MRTFB: variants seen among roughly 807,000 people sequenced by gnomAD.
MRTFB encodes myocardin-related transcription factor B.
Under a neutral mutation model 104.2 loss-of-function variants are expected in MRTFB, and 29 were observed. The observed-to-expected ratio is 0.28, with a 90% CI of 0.21 to 0.38. The LOEUF (loss-of-function observed/expected upper bound fraction) is 0.38, where lower values mean the gene tolerates loss of function less well. Ranked by LOEUF, MRTFB falls within the 10% of genes least tolerant of loss-of-function variation. The probability of loss-of-function intolerance (pLI) is 1.00; values close to 1 mark genes in which losing one functional copy is unlikely to be tolerated. For missense variants in MRTFB, 1,270 were observed against 1,341.6 expected (o/e 0.95, Z 0.83); for synonymous variants, 535 against 519.5 (o/e 1.03, Z -0.41).
At chr16:14,205,613 T>C (rs1011846925) in intron 3 of MRTFB, among the ~76,000 whole-genome samples, 1 of 152,248 alleles carries the variant, frequency 6.6e-6, no homozygotes. Flanking sequence ...TTTTCAAAAA[T>C]AATATTCTTT....
intron 9 of MRTFB, among the ~76,000 whole-genome samples, chr16:14,235,726 C>T (rs2042469375): frequency 6.6e-6 from 1 of 152,158 alleles, no homozygotes; most frequent in Admixed American, 6.5e-5. Context: ...ATCTGAGGAA[C>T]ACTAGTTATT....
chr16:14,191,959 T>A (rs570202422), intron 3 of MRTFB: 3 of 152,348 alleles, frequency 2.0e-5, no homozygotes, highest in Admixed American at 2.0e-4. Context: ...TAGAAGGTAT[T>A]ACAAAGCACA....
intron 9 of MRTFB, among the ~76,000 whole-genome samples, chr16:14,239,184 G>A (rs1339776934): frequency 2.1e-5 from 3 of 144,348 alleles, no homozygotes; most frequent in African/African-American, 8.8e-5. Context: ...CATGTCAGAT[G>A]AAGAGAGAAA....
chr16:14,237,841 AATACTAT>A (rs1431082618), intron 9 of MRTFB, among the ~76,000 whole-genome samples: 1 of 152,134 alleles, frequency 6.6e-6, no homozygotes, highest in African/African-American at 2.4e-5. Context: ...ATGGGGGTGA[AATACTAT>A]AGGTTTGGAG....
intron 3 of MRTFB, among the ~76,000 whole-genome samples, chr16:14,172,779 A>G (rs2039464432): frequency 6.6e-6 from 1 of 152,138 alleles, no homozygotes. Flanking sequence ...TCTTTTCAAT[A>G]TGTTTAAGGA....
At chr16:14,217,021 A>G in intron 6 of MRTFB, 105 bp from the exon 7 acceptor site, 1 of 1,175,294 alleles carries the variant, frequency 8.5e-7, no homozygotes, top group Non-Finnish European at 1.2e-6. Flanking sequence ...CGAGAACACA[A>G]AAATGTGTCT....
chr16:14,179,748 G>A (rs950080219), intron 3 of MRTFB, among the ~76,000 whole-genome samples: 7 of 152,312 alleles, frequency 4.6e-5, no homozygotes, highest in Middle Eastern at 3.4e-3. Flanking sequence ...AGTAGTCTGG[G>A]GAGTGGTCAG....
At chr16:14,209,267 T>C (rs2151161377) in intron 3 of MRTFB, among the ~76,000 whole-genome samples, 1 of 152,342 alleles carries the variant, frequency 6.6e-6, no homozygotes, top group Non-Finnish European at 1.5e-5. Flanking sequence ...CTTCCCACCA[T>C]TTAAGTAAGA....
At chr16:14,064,620 C>T in the MRTFB span, among the ~76,000 whole-genome samples, 3 of 152,054 alleles carry the variant, frequency 2.0e-5, no homozygotes, top group Admixed American at 6.6e-5. Flanking sequence ...TTTAATCCAT[C>T]GAGTTGATTT....
chr16:14,218,067 T>C (rs756206385), intron 7 of MRTFB, among the ~76,000 whole-genome samples: 1 of 151,996 alleles, frequency 6.6e-6, no homozygotes, highest in Non-Finnish European at 1.5e-5. Context: ...GTTTGTTTGT[T>C]TTTCTTTTTT....
chr16:14,017,045 G>A, the MRTFB span, among the ~76,000 whole-genome samples: 1 of 145,798 alleles, frequency 6.9e-6, no homozygotes, highest in East Asian at 2.0e-4. Flanking sequence ...CAAAGCTGCT[G>A]CAGTCTTCTT....
intron 3 of MRTFB, among the ~76,000 whole-genome samples, chr16:14,160,157 A>G (rs1047285290): frequency 6.6e-6 from 1 of 152,204 alleles, no homozygotes; most frequent in Non-Finnish European, 1.5e-5. Flanking sequence ...TAAAAAATCA[A>G]GGATCTAGTC....
intron 2 of MRTFB, among the ~76,000 whole-genome samples, chr16:14,100,375 T>C (rs73513199): frequency 0.027 from 4,048 of 152,322 alleles, 184 homozygotes; most frequent in African/African-American, 0.092. Context: ...GTTGTTATTT[T>C]TTAATTCGTT....
chr16:14,214,505 A>G (rs141300323), intron 6 of MRTFB, among the ~76,000 whole-genome samples: 2 of 152,346 alleles, frequency 1.3e-5, no homozygotes, highest in Non-Finnish European at 2.9e-5. Context: ...AAGAAGTAAT[A>G]TCTTAAAGGT....
the MRTFB span, among the ~76,000 whole-genome samples, chr16:14,002,275 T>C: frequency 2.6e-5 from 4 of 151,738 alleles, no homozygotes; most frequent in South Asian, 6.3e-4. Context: ...CCCAGCTACT[T>C]GGGAGGCTGA....
intron 12 of MRTFB, chr16:14,247,992 C>T (rs559917990): frequency 3.7e-4 from 57 of 156,004 alleles, no homozygotes; most frequent in African/African-American, 1.3e-3. Flanking sequence ...GTGTTCTGCC[C>T]GCAGAGCCTT....
chr16:14,218,681 A>T (rs918122215), intron 7 of MRTFB, 139 bp from the exon 8 acceptor site: 2 of 737,464 alleles, frequency 2.7e-6, no homozygotes, highest in Non-Finnish European at 4.3e-6. Flanking sequence ...GTGTTCTTGC[A>T]CTGGGAGGTA....
chr16:14,129,862 T>C (rs1338978967), intron 2 of MRTFB, among the ~76,000 whole-genome samples: 1 of 152,204 alleles, frequency 6.6e-6, no homozygotes, highest in African/African-American at 2.4e-5. Context: ...GGAGTTTCGC[T>C]CTGTTGCCCA....
At chr16:14,219,773 T>C (rs181798445) in intron 8 of MRTFB, among the ~76,000 whole-genome samples, 3 of 152,314 alleles carry the variant, frequency 2.0e-5, no homozygotes, top group African/African-American at 2.4e-5. Context: ...ATCTGAAATA[T>C]GTTTATTTGT....
Sources: allele counts gnomAD v4.1 joint callset (sites outside exome capture counted in the v4.1 genomes callset), GRCh38; gene constraint gnomAD v4.1.1; transcripts MANE v1.5; gene names NCBI Gene and HGNC (gene_info 2026-07-23, HGNC 2026-07-21).